Variants in DUSP18 observed in about 807,000 individuals in gnomAD.
DUSP18 encodes the protein dual specificity protein phosphatase 18.
A neutral mutation model predicts 6.3 loss-of-function variants in DUSP18; 4 were observed. The observed-to-expected ratio is 0.63, with a 90% CI of 0.31 to 1.45. The LOEUF is 1.45. Ranked by LOEUF, DUSP18 falls within the 40% of genes most tolerant of loss-of-function variation. The pLI is 0.07. For synonymous variants in DUSP18, 96 were observed against 95.1 expected (o/e 1.01, Z -0.05); for missense variants, 235 against 247.7 (o/e 0.95, Z 0.34).
In DUSP18 at chr22:30,663,626, G is replaced by A; in HGVS notation, c.378C>T (p.Ser126=). The A allele has an allele frequency of 1.2e-6, 2 of 1,614,254 alleles. No individual in the cohort carries two copies. The highest frequency in any genetic ancestry group is 1.7e-6 in the Non-Finnish European group (2 of 1,180,046). The change falls in exon 2 of 2, where the codon TCC becomes TCT. Residue 126 remains serine (S), a synonymous_variant. Transcript: ENST00000334679. ...LAYLMKYHAM[S]LLDAHTWTKS... ...TGGTCCACGTGTGGGCGTCCAGCAG[G>A]GACATGGCGTGGTACTTCATGAGGT...
At chr22:30,653,538 A>G (rs1291659396) in intron 2 of DUSP18, among the ~76,000 whole-genome samples, 1 of 151,564 alleles carries the variant, frequency 6.6e-6, no homozygotes, top group Non-Finnish European at 1.5e-5. Flanking sequence ...TGCCCGGCTA[A>G]TTTTTTTGTA....
chr22:30,655,347 C>G (rs944212702), intron 2 of DUSP18, among the ~76,000 whole-genome samples: 1 of 142,950 alleles, frequency 7.0e-6, no homozygotes, highest in African/African-American at 2.6e-5. Context: ...GTCCCAGCTA[C>G]TTGGGAGGCT....
chr22:30,663,566 G>A lies in DUSP18; in HGVS notation c.438C>T (p.Gly146=). The change falls in exon 2 of 2, where the codon GGC becomes GGT. Residue 146 remains glycine (G), a synonymous_variant. Coordinates refer to ENST00000334679, the MANE Select transcript of DUSP18 (RefSeq NM_152511.5). ...SCRPIIRPNS[G]FWEQLIHYEF... The stretch of plus-strand genomic sequence containing the variant: ...CATAGTGGATGAGCTGCTCCCAAAA[G>A]CCGCTGTTGGGTCGGATGATGGGCC... 1 of 1,614,232 alleles carries A rather than the reference G, an allele frequency of 6.2e-7. No individual in the cohort carries two copies. Among genetic ancestry groups the A allele is most frequent in the Non-Finnish European group, 8.5e-7 (1 of 1,180,042 alleles).
downstream of DUSP18, among the ~76,000 whole-genome samples, chr22:30,661,122 T>C (rs1024418014): frequency 6.6e-6 from 1 of 152,106 alleles, no homozygotes; most frequent in Admixed American, 6.5e-5. Flanking sequence ...ATTACAGGCA[T>C]GAGCCACCAC....
chr22:30,654,409 A>G (rs1198172419), intron 2 of DUSP18: 2 of 454,554 alleles, frequency 4.4e-6, no homozygotes, highest in African/African-American at 2.0e-5. Context: ...CAGGTAGGCA[A>G]ACTTTCTTGT....
rs562602773 is a variant in DUSP18, at chr22:30,661,672, G to A, written c.*1765C>T. 1 of 152,306 alleles carries A rather than the reference G, an allele frequency of 6.6e-6. No homozygotes were observed. The highest frequency in any genetic ancestry group is 2.4e-5 in the African/African-American group (1 of 41,562). The allele number at this position is 152,306 out of a possible 1,614,324, so 9.4% of individuals were successfully genotyped here. ...GTTTGGTGTCAAACAGAGCAGCTGT[G>A]CTTTTGTTTCAAATGCTGTTTGCTG... On this transcript the variant is annotated 3_prime_UTR_variant, in exon 2 of 2. Transcript: ENST00000334679.
chr22:30,657,946 AATAATAATG>A (rs1301235136), downstream of DUSP18, among the ~76,000 whole-genome samples: 2 of 134,482 alleles, frequency 1.5e-5, no homozygotes, highest in Non-Finnish European at 3.1e-5. Context: ...TAATAATAAT[AATAATAATG>A]ATTAGCTGGA....
At position 30,664,710 on chromosome 22, in the gene DUSP18, C is replaced by A. The variant is rs1191347454; in HGVS notation, c.-77-630G>T. Among the ~76,000 whole-genome samples, 7 of 152,240 alleles carry A rather than the reference C, an allele frequency of 4.6e-5. No homozygotes were observed. The South Asian group carries it at 6.2e-4, about 14-fold the overall frequency. On this transcript the variant is annotated intron_variant, in intron 1 of 1. Transcript: ENST00000334679. ...TTTAAAGAGACAGGATATGCCCATG[C>A]GAAGCTGATGTCAAATACAAAGTCC... is the stretch of plus-strand genomic sequence containing the variant.
chr22:30,660,165 C>T (rs1283270395), downstream of DUSP18, among the ~76,000 whole-genome samples: 1 of 152,160 alleles, frequency 6.6e-6, no homozygotes, highest in Non-Finnish European at 1.5e-5. Flanking sequence ...AGCAGAGGAC[C>T]TAGTCAAGTC....
chr22:30,664,670 T>G (rs907850223), intron 1 of DUSP18, among the ~76,000 whole-genome samples: 2 of 152,126 alleles, frequency 1.3e-5, no homozygotes, highest in African/African-American at 4.8e-5. Context: ...ATTTTCCCCC[T>G]CTAAGAACCA....
chr22:30,654,327 C>T (rs1400633930), intron 2 of DUSP18: 2 of 462,976 alleles, frequency 4.3e-6, no homozygotes, highest in Non-Finnish European at 8.6e-6. Flanking sequence ...TCTTGGCCTT[C>T]TCCTTCCTCT....
intron 1 of DUSP18, among the ~76,000 whole-genome samples, chr22:30,666,416 T>A (rs1182660973): frequency 6.6e-6 from 1 of 150,842 alleles, no homozygotes; most frequent in Non-Finnish European, 1.5e-5. Context: ...AGGTCAGGAG[T>A]TCAAGACCAG....
chr22:30,656,507 C>T (rs1189564518), downstream of DUSP18, among the ~76,000 whole-genome samples: 3 of 152,190 alleles, frequency 2.0e-5, no homozygotes, highest in Non-Finnish European at 1.5e-5. Context: ...AGTGATTCCT[C>T]ACTTTTGGAG....
rs917251872 is a variant in DUSP18 at position 30,662,133 on chromosome 22, G to A, written c.*1304C>T. 3 of 150,604 alleles carry A rather than the reference G, an allele frequency of 2.0e-5. No individual in the cohort carries two copies. Among genetic ancestry groups the A allele is most frequent in the Admixed American group, 1.3e-4 (2 of 15,006 alleles). 9.3% of individuals were successfully genotyped at this position (150,604 alleles called of 1,614,324 possible). Reference sequence around the variant, plus strand: ...AAAGGAGAAATGCCATTATGGGGATGTGTGTGCCGACCTGGGACCAGCAGG... The same window carrying A: ...AAAGGAGAAATGCCATTATGGGGATATGTGTGCCGACCTGGGACCAGCAGG... On this transcript the variant is annotated 3_prime_UTR_variant, in exon 2 of 2. Coordinates refer to ENST00000334679, the MANE Select transcript of DUSP18 (RefSeq NM_152511.5).
chr22:30,666,386 C>G (rs1010294862), intron 1 of DUSP18, among the ~76,000 whole-genome samples: 2 of 151,972 alleles, frequency 1.3e-5, no homozygotes, highest in African/African-American at 2.4e-5. Flanking sequence ...TTTGGAAGGC[C>G]GAGGCGGGCA....
chr22:30,654,681 A>G (rs1192044277), intron 2 of DUSP18: 6 of 419,920 alleles, frequency 1.4e-5, no homozygotes, highest in Non-Finnish European at 2.8e-5. Flanking sequence ...ACTTCTTTCT[A>G]TAGACATTGC....
At chr22:30,655,479 C>T (rs1291991458) in intron 2 of DUSP18, among the ~76,000 whole-genome samples, 1 of 149,440 alleles carries the variant, frequency 6.7e-6, no homozygotes, top group Non-Finnish European at 1.5e-5. Context: ...ACTAGCCTGG[C>T]ATTGCATAGC....
intron 2 of DUSP18, chr22:30,654,192 G>A (rs2088287058): frequency 3.5e-6 from 1 of 284,988 alleles, no homozygotes; most frequent in Non-Finnish European, 6.9e-6. Flanking sequence ...CACCATGTTA[G>A]CCAGGATGGT....
chr22:30,666,776 CAG>C (rs1176883584), intron 1 of DUSP18: 1 of 152,080 alleles, frequency 6.6e-6, no homozygotes, highest in African/African-American at 2.4e-5. Flanking sequence ...TACAGGCAGA[CAG>C]AGCTTGAAAA....
Sources: allele counts gnomAD v4.1 joint callset (sites outside exome capture counted in the v4.1 genomes callset), GRCh38; gene constraint gnomAD v4.1.1; transcripts MANE v1.5; gene names NCBI Gene and HGNC (gene_info 2026-07-23, HGNC 2026-07-21).